TESK2: variants seen among roughly 807,000 people sequenced by gnomAD.
TESK2 encodes the protein testis associated actin remodelling kinase 2.
In TESK2, 39 loss-of-function variants were observed where a neutral mutation model predicts 57.1. That is an observed-to-expected ratio of 0.68 (90% CI 0.53 to 0.89). TESK2 has a LOEUF of 0.89. Among genes scored for constraint, TESK2 ranks in the 40% least tolerant of loss-of-function variants. TESK2 has a pLI of 0.00. For missense variants in TESK2, 646 were observed against 732.1 expected, an observed-to-expected ratio of 0.88 and a Z score of 1.36; for synonymous variants, 249 against 267.9, an observed-to-expected ratio of 0.93 and a Z score of 0.69.
rs182438835 is a variant in TESK2 at position 45,353,545 on chromosome 1, C to T, written c.540+1758G>A. ...TTCTTAAGATGGGCTCCCTTCCCCT[C>T]CCCTTCATCTGGGGCAGAAGGAGTA... On this transcript the variant is annotated intron_variant, in intron 5 of 10. Coordinates refer to ENST00000372086, the MANE Select transcript of TESK2 (RefSeq NM_007170.3). Among the ~76,000 whole-genome samples the T allele has an allele frequency of 5.8e-4, 89 of 152,324 alleles. 1 individual carries two copies. Among genetic ancestry groups the T allele is most frequent in the African/African-American group, 2.0e-3 (85 of 41,578 alleles).
chr1:45,355,663 A>G (rs1570642771), intron 4 of TESK2, among the ~76,000 whole-genome samples: 5 of 152,328 alleles, frequency 3.3e-5, no homozygotes, highest in African/African-American at 1.2e-4. Context: ...TAGTCAAACA[A>G]TATCATATAA....
chr1:45,346,465 A>G (rs1047990164), intron 9 of TESK2, among the ~76,000 whole-genome samples: 1 of 152,202 alleles, frequency 6.6e-6, no homozygotes, highest in East Asian at 1.9e-4. Flanking sequence ...TGATGGGTCT[A>G]CCCTACAGGT....
chr1:45,489,682 C>T (rs1357847016), intron 1 of TESK2, among the ~76,000 whole-genome samples: 1 of 152,118 alleles, frequency 6.6e-6, no homozygotes, highest in Non-Finnish European at 1.5e-5. Flanking sequence ...CCCAGCTACT[C>T]GGTAGTCTGA....
intron 5 of TESK2, among the ~76,000 whole-genome samples, chr1:45,354,815 A>AATATATATATATATATAT (rs199613712): frequency 4.9e-5 from 2 of 40,690 alleles, no homozygotes; most frequent in Admixed American, 5.1e-4. Flanking sequence ...AAAAAAAAAA[A>AATATATATATATATATAT]ATATATATAT....
chr1:45,454,198 T>C (rs1651981520), intron 2 of TESK2, among the ~76,000 whole-genome samples: 1 of 152,028 alleles, frequency 6.6e-6, no homozygotes, highest in Non-Finnish European at 1.5e-5. Context: ...ACATAAGATA[T>C]CTAGGGTAGT....
intron 6 of TESK2, 76 bp from the exon 7 acceptor site, chr1:45,347,769 T>C (rs2298018): frequency 0.28 from 424,340 of 1,523,356 alleles, 66,006 homozygotes; most frequent in African/African-American, 0.6. Flanking sequence ...TTCCTCCACC[T>C]CAAGGATGGG....
chr1:45,479,984 G>A (rs904587148), intron 1 of TESK2, among the ~76,000 whole-genome samples: 84 of 150,918 alleles, frequency 5.6e-4, no homozygotes, highest in Non-Finnish European at 1.1e-3. Flanking sequence ...CACCACACCC[G>A]GCTAATTTTT....
intron 4 of TESK2, among the ~76,000 whole-genome samples, chr1:45,360,442 T>A (rs1647637697): frequency 6.6e-6 from 1 of 152,038 alleles, no homozygotes; most frequent in Non-Finnish European, 1.5e-5. Context: ...GTATGTGCAC[T>A]CTCTATAGGC....
chr1:45,359,416 C>T (rs936513385), intron 4 of TESK2, among the ~76,000 whole-genome samples: 3 of 149,332 alleles, frequency 2.0e-5, no homozygotes, highest in South Asian at 2.1e-4. Flanking sequence ...AAAAATTAGC[C>T]GGGCATGGTG....
Position 45,461,903 on chromosome 1 carries a change from A to G in TESK2, c.-86-4032T>C, listed in dbSNP as rs137866273. The stretch of plus-strand genomic sequence containing the variant: ...GGGTAAATGAGGTATCCATCACCTC[A>G]AGCATTCATCATTTCTTTGTGTTAC... On this transcript the variant is annotated intron_variant, in intron 1 of 10. Coordinates refer to ENST00000372086, the MANE Select transcript of TESK2 (RefSeq NM_007170.3). Among the ~76,000 whole-genome samples, 69 of 152,330 alleles carry G rather than the reference A, an allele frequency of 4.5e-4. No homozygotes were observed. In the East Asian group the frequency reaches 0.013, roughly 28 times the overall value.
At chr1:45,437,761 T>C (rs559443604) in intron 2 of TESK2, among the ~76,000 whole-genome samples, 1 of 152,344 alleles carries the variant, frequency 6.6e-6, no homozygotes, top group Admixed American at 6.5e-5. Flanking sequence ...TAAAGGGATG[T>C]TGAATTTTAT....
chr1:45,421,633 T>C, intron 3 of TESK2, 92 bp downstream of exon 3: 3 of 1,541,884 alleles, frequency 1.9e-6, no homozygotes, highest in Non-Finnish European at 2.6e-6. Flanking sequence ...TGATAAATCC[T>C]GAATCCCTCC....
intron 4 of TESK2, among the ~76,000 whole-genome samples, chr1:45,358,483 A>G (rs539362692): frequency 6.6e-6 from 1 of 152,286 alleles, no homozygotes; most frequent in African/African-American, 2.4e-5. Context: ...GTCTCAAAAA[A>G]AAGTGAGTAA....
chr1:45,434,127 G>A (rs1487633474), intron 2 of TESK2, among the ~76,000 whole-genome samples: 2 of 151,814 alleles, frequency 1.3e-5, no homozygotes, highest in African/African-American at 4.8e-5. Flanking sequence ...CTGAATAGCT[G>A]GGACTACAGG....
chr1:45,354,658 G>A (rs1321883967), intron 5 of TESK2, among the ~76,000 whole-genome samples: 2 of 150,572 alleles, frequency 1.3e-5, no homozygotes, highest in South Asian at 2.1e-4. Context: ...GCATGGTGGT[G>A]TACGCCTGTG....
intron 2 of TESK2, among the ~76,000 whole-genome samples, chr1:45,455,141 T>C (rs1652021882): frequency 1.3e-5 from 2 of 152,236 alleles, no homozygotes; most frequent in Non-Finnish European, 2.9e-5. Context: ...ATTCCTATTG[T>C]TCCTACAGAA....
chr1:45,466,780 T>C (rs1376847474), intron 1 of TESK2, among the ~76,000 whole-genome samples: 1 of 151,438 alleles, frequency 6.6e-6, no homozygotes, highest in East Asian at 1.9e-4. Flanking sequence ...CTTCTAGTTA[T>C]ATGAACTTAG....
chr1:45,359,078 G>A (rs1281702156), intron 4 of TESK2, among the ~76,000 whole-genome samples: 1 of 152,180 alleles, frequency 6.6e-6, no homozygotes, highest in Non-Finnish European at 1.5e-5. Flanking sequence ...ATTTACAAAG[G>A]ACTAGGGAAC....
chr1:45,433,118 C>T (rs1438587725), intron 2 of TESK2, among the ~76,000 whole-genome samples: 1 of 120,946 alleles, frequency 8.3e-6, no homozygotes, highest in Non-Finnish European at 1.6e-5. Context: ...CTCTGTCACT[C>T]AGGCTGGTTG....
Sources: gnomAD v4.1 joint callset for allele counts (sites outside exome capture counted in the v4.1 genomes callset) on GRCh38, gnomAD v4.1.1 for gene constraint, MANE v1.5 for transcripts, NCBI Gene and HGNC (gene_info 2026-07-23, HGNC 2026-07-21) for gene names.